PSEN1: variants seen among roughly 807,000 people sequenced by gnomAD.
PSEN1 encodes the protein presenilin-1.
PSEN1 carries 15 observed loss-of-function variants against 53.5 expected under a neutral mutation model. The ratio of observed to expected loss-of-function variants is 0.28; its 90% CI spans 0.19 to 0.43. The LOEUF is 0.43. Ranked by LOEUF, PSEN1 falls within the 20% of genes least tolerant of loss-of-function variation. The pLI, the probability that PSEN1 is intolerant of heterozygous loss-of-function variation, is 1.00. For missense variants in PSEN1, 387 were observed against 571.2 expected, an observed-to-expected ratio of 0.68 and a Z score of 3.29; for synonymous variants, 208 against 209.8, an observed-to-expected ratio of 0.99 and a Z score of 0.08.
At chr14:73,152,182 T>G (rs1897250872) in intron 3 of PSEN1, among the ~76,000 whole-genome samples, 1 of 151,410 alleles carries the variant, frequency 6.6e-6, no homozygotes. Flanking sequence ...AAAGTTTTTT[T>G]ATATTTTTTA....
chr14:73,193,221 G>A (rs1279712110), intron 7 of PSEN1, among the ~76,000 whole-genome samples: 1 of 151,934 alleles, frequency 6.6e-6, no homozygotes, highest in African/African-American at 2.4e-5. Context: ...GAGGTGGGAG[G>A]ATCGATTGAG....
intron 10 of PSEN1, among the ~76,000 whole-genome samples, chr14:73,212,500 T>TAAGCC (rs944742073): frequency 5.9e-5 from 9 of 152,204 alleles, no homozygotes; most frequent in Non-Finnish European, 1.2e-4. Context: ...ATTGTTCCAG[T>TAAGCC]AAGCCTTCAT....
intron 5 of PSEN1, among the ~76,000 whole-genome samples, chr14:73,181,268 T>C (rs957985563): frequency 1.3e-5 from 2 of 151,970 alleles, no homozygotes; most frequent in African/African-American, 4.8e-5. Flanking sequence ...GGAGAAATCC[T>C]GTCTCTACTA....
chr14:73,196,363 T>A (rs1898940683), intron 7 of PSEN1, among the ~76,000 whole-genome samples: 1 of 151,216 alleles, frequency 6.6e-6, no homozygotes, highest in Non-Finnish European at 1.5e-5. Flanking sequence ...GATTTCTTTG[T>A]GTATGTGTGT....
At chr14:73,190,595 G>A (rs749312688) in intron 6 of PSEN1, among the ~76,000 whole-genome samples, 1 of 151,914 alleles carries the variant, frequency 6.6e-6, no homozygotes, top group Non-Finnish European at 1.5e-5. Context: ...ATTAATAGTA[G>A]TGCTTTCCAA....
intron 1 of PSEN1, among the ~76,000 whole-genome samples, chr14:73,142,172 A>C (rs912142976): frequency 1.3e-5 from 2 of 152,248 alleles, no homozygotes; most frequent in African/African-American, 4.8e-5. Flanking sequence ...GTGATCCTTT[A>C]AAAACTCAAG....
rs1489961104 is a variant in PSEN1 at position 73,142,512 on chromosome 14, A to G, written c.-135-5283A>G. Among the ~76,000 whole-genome samples, 3 of 152,264 alleles carry G rather than the reference A, an allele frequency of 2.0e-5. No homozygotes were observed. The East Asian group carries it at 5.8e-4, about 29-fold the overall frequency. On this transcript the variant is annotated intron_variant, in intron 1 of 11. Transcript: ENST00000324501. ...TATATTTATGTCTGAGAGTGAAAAA[A>G]GAAAATGGAATCAATAAGTAACCAT...
At chr14:73,190,229 T>G (rs1258468060) in intron 6 of PSEN1, among the ~76,000 whole-genome samples, 2 of 152,192 alleles carry the variant, frequency 1.3e-5, no homozygotes, top group African/African-American at 4.8e-5. Context: ...GGCTCACACT[T>G]GTAATCTCAC....
intron 1 of PSEN1, among the ~76,000 whole-genome samples, chr14:73,137,577 A>G (rs555731901): frequency 6.6e-6 from 1 of 152,276 alleles, no homozygotes; most frequent in South Asian, 2.1e-4. Context: ...GGCCAAGGCA[A>G]ACACTTAGGA....
chr14:73,175,621 T>C (rs1378528147), intron 5 of PSEN1, among the ~76,000 whole-genome samples: 1 of 152,228 alleles, frequency 6.6e-6, no homozygotes, highest in African/African-American at 2.4e-5. Context: ...TTTTCTATTA[T>C]AAATTCTTAG....
At chr14:73,159,736 CT>C (rs1247456086) in intron 3 of PSEN1, among the ~76,000 whole-genome samples, 4 of 152,180 alleles carry the variant, frequency 2.6e-5, no homozygotes, top group Non-Finnish European at 5.9e-5. Context: ...CATTGGACAA[CT>C]TTATACCCAT....
chr14:73,214,294 GC>G (rs2140140197), intron 10 of PSEN1, among the ~76,000 whole-genome samples: 1 of 152,194 alleles, frequency 6.6e-6, no homozygotes, highest in African/African-American at 2.4e-5. Context: ...ACTTTGGAAG[GC>G]CAAGGCAGGC....
At chr14:73,162,614 T>G (rs981586684) in intron 3 of PSEN1, among the ~76,000 whole-genome samples, 2 of 152,024 alleles carry the variant, frequency 1.3e-5, no homozygotes, top group Non-Finnish European at 2.9e-5. Flanking sequence ...AGCTGTTGAC[T>G]ATGCCACTGC....
At chr14:73,156,531 C>G (rs1337211759) in intron 3 of PSEN1, among the ~76,000 whole-genome samples, 1 of 151,866 alleles carries the variant, frequency 6.6e-6, no homozygotes, top group African/African-American at 2.4e-5. Context: ...ACTGGAGTGG[C>G]AAAGTGAGCG....
At chr14:73,161,454 C>T (rs1566624616) in intron 3 of PSEN1, among the ~76,000 whole-genome samples, 3 of 152,120 alleles carry the variant, frequency 2.0e-5, no homozygotes, top group African/African-American at 7.2e-5. Context: ...TGTAAGACAA[C>T]CCTCAGGTTC....
chr14:73,165,748 TA>T (rs1255488298), intron 3 of PSEN1, among the ~76,000 whole-genome samples: 1,271 of 102,560 alleles, frequency 0.012, 6 homozygotes, highest in Middle Eastern at 0.035. Flanking sequence ...AACTCCGTCT[TA>T]AAAAAAAAAA....
chr14:73,140,005 A>G (rs1036255547), intron 1 of PSEN1, among the ~76,000 whole-genome samples: 1 of 152,176 alleles, frequency 6.6e-6, no homozygotes, highest in Non-Finnish European at 1.5e-5. Context: ...TTTCATTAAA[A>G]ATTAGTTGTA....
intron 4 of PSEN1, 93 bp downstream of exon 4, chr14:73,171,140 G>A: frequency 2.0e-6 from 3 of 1,482,004 alleles, no homozygotes; most frequent in Non-Finnish European, 1.9e-6. Flanking sequence ...GCATTGAAGG[G>A]GCATGACTTA....
chr14:73,143,337 A>G (rs1177250342), intron 1 of PSEN1, among the ~76,000 whole-genome samples: 1 of 152,178 alleles, frequency 6.6e-6, no homozygotes. Context: ...GGAAGCATCA[A>G]GGGAGGCACA....
Sources: allele counts gnomAD v4.1 joint callset (sites outside exome capture counted in the v4.1 genomes callset), GRCh38; gene constraint gnomAD v4.1.1; transcripts MANE v1.5; gene names NCBI Gene and HGNC (gene_info 2026-07-23, HGNC 2026-07-21).